Variants in WDR12 observed in about 807,000 individuals in gnomAD.
WDR12 encodes ribosome biogenesis protein WDR12.
WDR12 carries 42 observed loss-of-function variants against 64.3 expected under a neutral mutation model. The ratio of observed to expected loss-of-function variants is 0.65; its 90% CI spans 0.51 to 0.84. The LOEUF (loss-of-function observed/expected upper bound fraction) is 0.84, where lower values mean the gene tolerates loss of function less well. Ranked by LOEUF, WDR12 falls within the 40% of genes least tolerant of loss-of-function variation. The probability of loss-of-function intolerance (pLI) is 0.00; values close to 1 mark genes in which losing one functional copy is unlikely to be tolerated. For missense variants in WDR12, 469 were observed against 494.6 expected, an observed-to-expected ratio of 0.95 and a Z score of 0.49; for synonymous variants, 158 against 173.3, an observed-to-expected ratio of 0.91 and a Z score of 0.70.
intron 2 of WDR12, among the ~76,000 whole-genome samples, 168 bp downstream of exon 2, chr2:202,907,697 A>C (rs1688483622): frequency 6.6e-6 from 1 of 152,212 alleles, no homozygotes; most frequent in South Asian, 2.1e-4. Flanking sequence ...TTTTCTTTCA[A>C]AGCAGTATTT....
At chr2:202,907,471 G>T (rs1044017076) in intron 2 of WDR12, among the ~76,000 whole-genome samples, 1 of 151,978 alleles carries the variant, frequency 6.6e-6, no homozygotes, top group Non-Finnish European at 1.5e-5. Context: ...CTCAAATACT[G>T]ATATTGTCAT....
At chr2:202,907,718 C>T (rs914216785) in intron 2 of WDR12, 147 bp downstream of exon 2, 60 of 593,506 alleles carry the variant, frequency 1.0e-4, no homozygotes, top group Non-Finnish European at 1.4e-4. Flanking sequence ...ACAGTATCAT[C>T]CAGCAGAAGA....
chr2:202,894,641 A>T lies in WDR12; in HGVS notation c.610-15T>A, dbSNP rs762003777. On this transcript the variant is annotated splice_polypyrimidine_tract_variant and intron_variant, in intron 6 of 12. Coordinates refer to ENST00000261015, the MANE Select transcript of WDR12 (RefSeq NM_018256.4). The stretch of plus-strand genomic sequence containing the variant: ...CCACTGCAAAACTAAACAGATGTAT[A>T]TGAAGGGAAAAGACATATGTAATAT... The T allele has an allele frequency of 6.2e-7, 1 of 1,602,822 alleles. No homozygotes were observed. Among genetic ancestry groups the T allele is most frequent in the Admixed American group, 1.7e-5 (1 of 58,626 alleles).
chr2:202,897,790 G>A (rs1192585327), intron 4 of WDR12, among the ~76,000 whole-genome samples: 2 of 147,942 alleles, frequency 1.4e-5, no homozygotes, highest in East Asian at 2.0e-4. Flanking sequence ...TCAGGAGGCT[G>A]GGGCAGGAGA....
At chr2:202,882,422 T>G (rs1019503216) in intron 12 of WDR12, among the ~76,000 whole-genome samples, 17 of 152,126 alleles carry the variant, frequency 1.1e-4, no homozygotes, top group Non-Finnish European at 1.8e-4. Flanking sequence ...TCCGCCTCCT[T>G]GGATCACGCC....
Position 202,874,538 on chromosome 2 carries a change from A to T in WDR12, c.*6322T>A, listed in dbSNP as rs1687824175. Reference sequence around the variant, plus strand: ...AATCTCCCAAATAAAACCTCAGTTGATATTAGAAAACACTAAAAATTATTC... The same window carrying T: ...AATCTCCCAAATAAAACCTCAGTTGTTATTAGAAAACACTAAAAATTATTC... On this transcript the variant is annotated 3_prime_UTR_variant, in exon 13 of 13. Coordinates refer to ENST00000261015, the MANE Select transcript of WDR12 (RefSeq NM_018256.4). Among the ~76,000 whole-genome samples the T allele has an allele frequency of 6.6e-6, 1 of 152,246 alleles. No individual in the cohort carries two copies. The highest frequency in any genetic ancestry group is 6.5e-5 in the Admixed American group (1 of 15,284).
In WDR12 at chr2:202,895,414, T is replaced by C. The variant is rs780173295; in HGVS notation, c.609+651A>G. 2.0e-5 allele frequency among the ~76,000 whole-genome samples: 3 copies of C among 152,210 alleles called. No homozygotes were observed. The East Asian group carries it at 5.8e-4, about 29-fold the overall frequency. On this transcript the variant is annotated intron_variant, in intron 6 of 12. Coordinates refer to ENST00000261015, the MANE Select transcript of WDR12 (RefSeq NM_018256.4). ...CAGACTATCAACTAGGCGTTTTCAG[T>C]TGATGACAGCACTTAAGAGTAGCTG...
Position 202,901,040 on chromosome 2 carries a change from C to A in WDR12, c.216G>T (p.Met72Ile), listed in dbSNP as rs1455767726. ...TTGAACTTACTGATGAGATGTTCTC[C>A]ATTTCCATGTGTTTGTCCAAGGGCA... The part of the protein sequence containing the change: ...LRMPLDKHME[M>I]ENISSEEVVE... The change falls in exon 3 of 13, where the codon ATG becomes ATT. Residue 72 changes from methionine (M) to isoleucine (I), a missense_variant. Physicochemically the swap from Met to Ile is conservative, Grantham distance 10. Transcript: ENST00000261015. 4.4e-6 allele frequency: 7 copies of A among 1,591,590 alleles called. No individual in the cohort carries two copies. The highest frequency in any genetic ancestry group is 6.0e-6 in the Non-Finnish European group (7 of 1,164,664).
chr2:202,889,859 C>A (rs1688117514), intron 8 of WDR12, among the ~76,000 whole-genome samples: 1 of 150,872 alleles, frequency 6.6e-6, no homozygotes, highest in Admixed American at 6.6e-5. Context: ...GAGGCTGCAG[C>A]TGAGCCATGA....
In WDR12 at chr2:202,884,510, T is replaced by C. The variant is rs760726791; in HGVS notation, c.767A>G (p.His256Arg). The C allele has an allele frequency of 1.2e-6, 2 of 1,614,080 alleles. No homozygotes were observed. The highest frequency in any genetic ancestry group is 1.7e-6 in the Non-Finnish European group (2 of 1,180,006). ...CAGAACTGAGGAAACTGCCTCCATG[T>C]GGCCAGAGAGGGTCACTATGGGAGT... The part of the protein sequence containing the change: ...TRTPIVTLSG[H>R]MEAVSSVLWS... Residue 256 changes from histidine (H) to arginine (R), a missense_variant, in exon 9 of 13, where the codon CAC (histidine) becomes CGC (arginine). Physicochemically the swap from His to Arg is conservative, Grantham distance 29. Transcript: ENST00000261015.
chr2:202,900,284 G>A (rs1325780599), intron 3 of WDR12, among the ~76,000 whole-genome samples: 2 of 150,474 alleles, frequency 1.3e-5, no homozygotes, highest in African/African-American at 4.9e-5. Flanking sequence ...AGCCAAGACT[G>A]TGCCATTGCA....
chr2:202,891,341 G>A (rs1271461108), intron 8 of WDR12, among the ~76,000 whole-genome samples: 1 of 152,050 alleles, frequency 6.6e-6, no homozygotes, highest in Non-Finnish European at 1.5e-5. Context: ...GTAGAGACAG[G>A]GTATCACCAT....
intron 4 of WDR12, among the ~76,000 whole-genome samples, chr2:202,898,880 G>A (rs1185686522): frequency 1.3e-5 from 2 of 150,708 alleles, no homozygotes; most frequent in Non-Finnish European, 2.9e-5. Flanking sequence ...AGGAGGCTGA[G>A]GCAGGAGGAC....
chr2:202,911,582 T>C lies in WDR12; in HGVS notation c.-106A>G. 2.9e-6 allele frequency: 3 copies of C among 1,048,960 alleles called. No individual in the cohort carries two copies. Among genetic ancestry groups the C allele is most frequent in the South Asian group, 2.6e-5 (2 of 78,150 alleles). 65.0% of individuals were successfully genotyped at this position (1,048,960 alleles called of 1,614,324 possible). A position where few individuals can be genotyped will look rare whatever the true frequency, so the allele number is the denominator to read the frequency against. ...ACAAAGAGGCAGCTCAAAATTAGACTGCACAGGTAAGCGAGGAACTGCAGT... is the reference window on the plus strand; with the variant it reads ...ACAAAGAGGCAGCTCAAAATTAGACCGCACAGGTAAGCGAGGAACTGCAGT... On this transcript the variant is annotated 5_prime_UTR_variant, in exon 1 of 13. Transcript: ENST00000261015.
chr2:202,899,282 A>G (rs1483203255), intron 4 of WDR12, among the ~76,000 whole-genome samples: 1 of 151,758 alleles, frequency 6.6e-6, no homozygotes, highest in Non-Finnish European at 1.5e-5. Flanking sequence ...CCAACCTCGT[A>G]ATCCACCCTC....
chr2:202,904,033 G>A (rs1688405015), intron 2 of WDR12, among the ~76,000 whole-genome samples: 1 of 151,014 alleles, frequency 6.6e-6, no homozygotes, highest in African/African-American at 2.4e-5. Flanking sequence ...AGCTACTCAG[G>A]AGGCTGAGGC....
At chr2:202,893,208 T>C (rs1029036818) in intron 7 of WDR12, among the ~76,000 whole-genome samples, 5 of 152,180 alleles carry the variant, frequency 3.3e-5, no homozygotes, top group Middle Eastern at 6.8e-3. Flanking sequence ...CAAACCCAGA[T>C]TGAAAACTAC....
chr2:202,881,857 C>G (rs942606333), intron 12 of WDR12, among the ~76,000 whole-genome samples: 1 of 151,796 alleles, frequency 6.6e-6, no homozygotes, highest in African/African-American at 2.4e-5. Context: ...TTTCTTAAAA[C>G]AACAACAGCA....
chr2:202,911,432 T>G lies in WDR12; in HGVS notation c.41+4A>C, dbSNP rs754211217. 1.6e-5 allele frequency: 26 copies of G among 1,613,954 alleles called. No individual in the cohort carries two copies. Among genetic ancestry groups the G allele is most frequent in the Admixed American group, 1.3e-4 (8 of 59,994 alleles). On this transcript the variant is annotated splice_donor_region_variant and intron_variant, in intron 1 of 12. Transcript: ENST00000261015. ...AGGGAGAGAAGGCTGGAACGCTTAC[T>G]TACTTCTTGTTATCAGTGTAGAAGC...
Sources: allele counts gnomAD v4.1 joint callset (sites outside exome capture counted in the v4.1 genomes callset), GRCh38; gene constraint gnomAD v4.1.1; transcripts MANE v1.5; gene names NCBI Gene and HGNC (gene_info 2026-07-23, HGNC 2026-07-21).